Variants in ROBO1 observed in about 807,000 individuals in gnomAD.
The protein encoded by ROBO1 is roundabout guidance receptor 1.
In ROBO1, 149 loss-of-function variants were observed where a neutral mutation model predicts 195.9. The observed-to-expected ratio is 0.76, with a 90% CI of 0.67 to 0.87. The LOEUF (loss-of-function observed/expected upper bound fraction) is 0.87, where lower values mean the gene tolerates loss of function less well. ROBO1 is among the 40% of genes least tolerant of loss of function. The pLI, the probability that ROBO1 is intolerant of heterozygous loss-of-function variation, is 0.00. For missense variants in ROBO1, 1,933 were observed against 2,068.3 expected, an observed-to-expected ratio of 0.93 and a Z score of 1.27; for synonymous variants, 816 against 733.2, an observed-to-expected ratio of 1.11 and a Z score of -1.82.
At chr3:79,679,325 C>T (rs1014879536) in intron 1 of ROBO1, among the ~76,000 whole-genome samples, 1 of 151,886 alleles carries the variant, frequency 6.6e-6, no homozygotes, top group Non-Finnish European at 1.5e-5. Context: ...TATGATTTTA[C>T]ATAGCATTCC....
At chr3:78,720,605 A>G (rs1036337757) in intron 5 of ROBO1, among the ~76,000 whole-genome samples, 1 of 152,228 alleles carries the variant, frequency 6.6e-6, no homozygotes, top group Admixed American at 6.5e-5. Context: ...TATATACCCA[A>G]AGGATTATAA....
chr3:79,655,199 A>G (rs1031537389), intron 1 of ROBO1, among the ~76,000 whole-genome samples: 1 of 152,088 alleles, frequency 6.6e-6, no homozygotes, highest in African/African-American at 2.4e-5. Context: ...TTGAATACTC[A>G]AGATCAAAAA....
chr3:79,376,743 T>C (rs1199685638), intron 2 of ROBO1, among the ~76,000 whole-genome samples: 1 of 152,202 alleles, frequency 6.6e-6, no homozygotes, highest in Non-Finnish European at 1.5e-5. Flanking sequence ...GTCTTGGGTA[T>C]ATCTTTATTA....
intron 4 of ROBO1, among the ~76,000 whole-genome samples, chr3:78,831,775 A>C (rs2032234968): frequency 6.6e-6 from 1 of 152,222 alleles, no homozygotes; most frequent in South Asian, 2.1e-4. Context: ...GGTGGAAAGC[A>C]AAGGATGAGC....
In ROBO1 at chr3:78,834,726, G is replaced by A. The variant is rs757290619; in HGVS notation, c.500-87826C>T. 4.4e-4 allele frequency among the ~76,000 whole-genome samples: 67 copies of A among 152,030 alleles called. 3 individuals carry two copies. Among genetic ancestry groups the A allele is most frequent in the Admixed American group, 3.7e-3 (57 of 15,252 alleles). Reference sequence around the variant, plus strand: ...GAGTTACTAGGCACTGTCTAACCAAGCTGACCTGAGGGGTTGACCTGGTTT... The same window carrying A: ...GAGTTACTAGGCACTGTCTAACCAAACTGACCTGAGGGGTTGACCTGGTTT... On this transcript the variant is annotated intron_variant, in intron 4 of 30. Transcript: ENST00000464233.
chr3:78,654,610 T>C (rs1329028323), intron 18 of ROBO1, among the ~76,000 whole-genome samples: 1 of 152,142 alleles, frequency 6.6e-6, no homozygotes, highest in Non-Finnish European at 1.5e-5. Flanking sequence ...AGCAACCAGA[T>C]GGACTTAACA....
At chr3:78,874,811 TTA>T (rs948667363) in intron 4 of ROBO1, among the ~76,000 whole-genome samples, 2 of 151,926 alleles carry the variant, frequency 1.3e-5, no homozygotes, top group African/African-American at 4.8e-5. Context: ...CTCAAATTAT[TTA>T]TGTTGTCAAA....
intron 3 of ROBO1, among the ~76,000 whole-genome samples, chr3:79,000,929 T>C (rs1451391519): frequency 6.6e-6 from 1 of 152,138 alleles, no homozygotes; most frequent in Non-Finnish European, 1.5e-5. Context: ...CACCATGGAA[T>C]ACTATGCAGC....
intron 2 of ROBO1, among the ~76,000 whole-genome samples, chr3:79,319,510 C>T (rs532328601): frequency 2.6e-5 from 4 of 151,960 alleles, no homozygotes; most frequent in African/African-American, 9.7e-5. Flanking sequence ...TAATAAGATT[C>T]TTGTGTTATT....
At chr3:78,946,264 G>T (rs1033289842) in intron 3 of ROBO1, among the ~76,000 whole-genome samples, 1 of 152,198 alleles carries the variant, frequency 6.6e-6, no homozygotes, top group Non-Finnish European at 1.5e-5. Context: ...GTTAAGGGCA[G>T]CCAGGGAGAA....
intron 2 of ROBO1, among the ~76,000 whole-genome samples, chr3:79,561,250 G>T (rs757116119): frequency 6.6e-6 from 1 of 152,128 alleles, no homozygotes; most frequent in Non-Finnish European, 1.5e-5. Context: ...CGTACACTTT[G>T]AGCATATAGA....
intron 1 of ROBO1, among the ~76,000 whole-genome samples, chr3:79,691,216 C>T (rs1401194555): frequency 6.6e-6 from 1 of 151,646 alleles, no homozygotes; most frequent in African/African-American, 2.4e-5. Flanking sequence ...TTTCTAATGC[C>T]AGATATTTAC....
chr3:79,719,637 T>C (rs927189583), intron 1 of ROBO1, among the ~76,000 whole-genome samples: 7 of 152,184 alleles, frequency 4.6e-5, no homozygotes, highest in Non-Finnish European at 8.8e-5. Flanking sequence ...TATGTAATTT[T>C]GAGGTTATGT....
intron 4 of ROBO1, among the ~76,000 whole-genome samples, chr3:78,800,445 T>A (rs2084331014): frequency 1.3e-5 from 2 of 152,236 alleles, no homozygotes; most frequent in South Asian, 4.1e-4. Context: ...ACTCCCCAAA[T>A]CTCCCTGCCC....
intron 3 of ROBO1, among the ~76,000 whole-genome samples, chr3:78,968,821 A>G (rs1250357040): frequency 2.0e-5 from 3 of 152,196 alleles, no homozygotes; most frequent in Non-Finnish European, 4.4e-5. Context: ...TAAATTTTGT[A>G]TTACATTTCA....
intron 1 of ROBO1, among the ~76,000 whole-genome samples, chr3:79,706,258 C>T (rs1374111140): frequency 6.6e-6 from 1 of 152,048 alleles, no homozygotes; most frequent in African/African-American, 2.4e-5. Context: ...TCTGGTTTCT[C>T]ATGATTAAGT....
intron 4 of ROBO1, among the ~76,000 whole-genome samples, chr3:78,906,837 A>T (rs993459956): frequency 9.9e-5 from 15 of 152,180 alleles, no homozygotes; most frequent in African/African-American, 3.6e-4. Context: ...ACTTCCATGA[A>T]AAATAACTGT....
chr3:79,635,232 G>A (rs1373561021), intron 1 of ROBO1, among the ~76,000 whole-genome samples: 1 of 152,102 alleles, frequency 6.6e-6, no homozygotes, highest in Admixed American at 6.6e-5. Flanking sequence ...ACACTCTAAA[G>A]CTATATGCAT....
chr3:79,729,518 G>A (rs2107344712), intron 1 of ROBO1, among the ~76,000 whole-genome samples: 1 of 152,274 alleles, frequency 6.6e-6, no homozygotes, highest in Admixed American at 6.5e-5. Flanking sequence ...ATTATTGACT[G>A]TTTCCAATCC....
Sources: allele counts gnomAD v4.1 joint callset (sites outside exome capture counted in the v4.1 genomes callset), GRCh38; gene constraint gnomAD v4.1.1; transcripts MANE v1.5; gene names NCBI Gene and HGNC (gene_info 2026-07-23, HGNC 2026-07-21).